The following CELF4 variants were observed in gnomAD, a reference collection of about 807,000 sequenced individuals.
CELF4 encodes CUGBP Elav-like family member 4, also known as CUG-BP- and ETR-3-like factor 4.
Under a neutral mutation model 59.9 loss-of-function variants are expected in CELF4, and 18 were observed. The ratio of observed to expected loss-of-function variants is 0.30; its 90% CI spans 0.21 to 0.45. The LOEUF (loss-of-function observed/expected upper bound fraction) is 0.45. Among genes scored for constraint, CELF4 ranks in the 20% least tolerant of loss-of-function variants. The probability of loss-of-function intolerance (pLI) is 1.00; values close to 1 mark genes in which losing one functional copy is unlikely to be tolerated. For missense variants in CELF4, 456 were observed against 689.0 expected, an observed-to-expected ratio of 0.66 and a Z score of 3.79; for synonymous variants, 261 against 267.1, an observed-to-expected ratio of 0.98 and a Z score of 0.22.
At chr18:37,519,921 G>A (rs1224563223) in intron 1 of CELF4, among the ~76,000 whole-genome samples, 1 of 152,334 alleles carries the variant, frequency 6.6e-6, no homozygotes. Context: ...GCAGATTCCT[G>A]AACTGGCAGA....
At chr18:37,499,566 C>T (rs778292577) in intron 1 of CELF4, among the ~76,000 whole-genome samples, 16 of 152,130 alleles carry the variant, frequency 1.1e-4, no homozygotes, top group Admixed American at 3.9e-4. Flanking sequence ...CACTCTCAAC[C>T]GTGTTACCTG....
chr18:37,538,533 C>T (rs1219975090), intron 1 of CELF4, among the ~76,000 whole-genome samples: 1 of 152,174 alleles, frequency 6.6e-6, no homozygotes, highest in African/African-American at 2.4e-5. Context: ...ACAACGCTGT[C>T]TTTACCCAGA....
intron 1 of CELF4, among the ~76,000 whole-genome samples, chr18:37,564,265 G>T (rs1345049285): frequency 6.6e-6 from 1 of 152,110 alleles, no homozygotes; most frequent in Admixed American, 6.5e-5. Flanking sequence ...ATTCATTCCC[G>T]CTGCACATCC....
intron 1 of CELF4, among the ~76,000 whole-genome samples, chr18:37,530,015 T>C (rs977045650): frequency 6.6e-6 from 1 of 152,170 alleles, no homozygotes; most frequent in African/African-American, 2.4e-5. Flanking sequence ...CCAGACACTT[T>C]GGTTACATCA....
rs1205616507 is a variant in CELF4 at position 37,274,249 on chromosome 18, G to A, written c.801+62C>T. The A allele has an allele frequency of 3.8e-6, 6 of 1,590,736 alleles. No individual in the cohort carries two copies. In the East Asian group the frequency reaches 9.0e-5, roughly 24 times the overall value. On this transcript the variant is annotated intron_variant, in intron 6 of 12. Transcript: ENST00000420428. ...AGTAGTATTTTCGGTTTCATGTCCC[G>A]CTCTCTGAGGCTCCCAGGGGAGTGA...
At chr18:37,396,818 C>T (rs1007250277) in intron 2 of CELF4, among the ~76,000 whole-genome samples, 1 of 152,202 alleles carries the variant, frequency 6.6e-6, no homozygotes, top group Middle Eastern at 3.2e-3. Context: ...CAAGCCACCA[C>T]GTGTGTTCCT....
At chr18:37,281,143 C>T (rs1057035068) in intron 3 of CELF4, among the ~76,000 whole-genome samples, 19 of 152,194 alleles carry the variant, frequency 1.2e-4, no homozygotes, top group Non-Finnish European at 1.6e-4. Context: ...TAGCACAAAC[C>T]CCTAACGGGG....
intron 2 of CELF4, among the ~76,000 whole-genome samples, chr18:37,451,697 T>C (rs147009982): frequency 1.1e-4 from 16 of 152,224 alleles, no homozygotes; most frequent in African/African-American, 3.9e-4. Context: ...CAGTCGTACT[T>C]AGCACCCAGT....
At chr18:37,414,505 T>TTC (rs2099510659) in intron 2 of CELF4, among the ~76,000 whole-genome samples, 1 of 141,926 alleles carries the variant, frequency 7.0e-6, no homozygotes, top group African/African-American at 2.6e-5. Flanking sequence ...TTTCTTTTCT[T>TTC]TTTTTTTTTT....
At chr18:37,314,000 C>T (rs1042034216) in intron 3 of CELF4, among the ~76,000 whole-genome samples, 1 of 152,234 alleles carries the variant, frequency 6.6e-6, no homozygotes, top group African/African-American at 2.4e-5. Flanking sequence ...GAACGCTGGA[C>T]ACTTGGCCAG....
intron 3 of CELF4, among the ~76,000 whole-genome samples, chr18:37,278,340 C>G (rs909996539): frequency 6.6e-6 from 1 of 152,212 alleles, no homozygotes; most frequent in Non-Finnish European, 1.5e-5. Flanking sequence ...TGACCACAAC[C>G]AACTCAAATG....
At chr18:37,352,244 AC>A (rs2154554619) in intron 2 of CELF4, among the ~76,000 whole-genome samples, 1 of 152,336 alleles carries the variant, frequency 6.6e-6, no homozygotes, top group South Asian at 2.1e-4. Context: ...AGTGCAAGCC[AC>A]CAAGCAAGGG....
chr18:37,451,629 C>T (rs2099764309), intron 2 of CELF4, among the ~76,000 whole-genome samples: 1 of 152,180 alleles, frequency 6.6e-6, no homozygotes, highest in Non-Finnish European at 1.5e-5. Flanking sequence ...AGCTGGGCCA[C>T]ACAGTAGCTA....
At chr18:37,247,297 A>G (rs1345238819) in intron 12 of CELF4, 1 of 151,260 alleles carries the variant, frequency 6.6e-6, no homozygotes, top group Non-Finnish European at 1.5e-5. Flanking sequence ...AATTTGATTG[A>G]ATGACAAAAG....
chr18:37,382,993 A>G (rs1344364595), intron 2 of CELF4, among the ~76,000 whole-genome samples: 1 of 150,930 alleles, frequency 6.6e-6, no homozygotes, highest in Admixed American at 6.6e-5. Flanking sequence ...TATTATATAC[A>G]TAACAATATT....
chr18:37,264,750 G>A lies in CELF4; in HGVS notation c.1173C>T (p.Ala391=), dbSNP rs748883444. ...AGVQQYAGPA[A]YPAAYGQISQ... is the part of the protein sequence containing the mutation. Reference sequence around the variant, plus strand: ...TTATCTGACCATAGGCAGCAGGGTAGGCAGCTGCTGGAGGCCCAAGACAAG... The same window carrying A: ...TTATCTGACCATAGGCAGCAGGGTAAGCAGCTGCTGGAGGCCCAAGACAAG... The change falls in exon 10 of 13, where the codon GCC becomes GCT. Residue 391 remains alanine, a synonymous_variant. Coordinates refer to ENST00000420428, the MANE Select transcript of CELF4 (RefSeq NM_020180.4). 123 of 1,571,114 alleles carry A rather than the reference G, an allele frequency of 7.8e-5. 3 individuals carry two copies. In the East Asian group the frequency reaches 2.8e-3, roughly 36 times the overall value.
chr18:37,491,926 C>T (rs1313212263), intron 1 of CELF4, among the ~76,000 whole-genome samples: 2 of 152,194 alleles, frequency 1.3e-5, no homozygotes, highest in Non-Finnish European at 2.9e-5. Context: ...ATAAAAGGCC[C>T]TTGTCATTGT....
chr18:37,479,584 A>ATAT (rs2099860570), intron 2 of CELF4, among the ~76,000 whole-genome samples: 1 of 152,228 alleles, frequency 6.6e-6, no homozygotes, highest in Non-Finnish European at 1.5e-5. Context: ...GAAGAAAGAT[A>ATAT]TATCATCCAT....
chr18:37,259,571 G>C (rs1387481181), intron 10 of CELF4, among the ~76,000 whole-genome samples: 1 of 152,150 alleles, frequency 6.6e-6, no homozygotes, highest in Non-Finnish European at 1.5e-5. Flanking sequence ...AGGCGGAGTC[G>C]ACCTACTGCT....
Sources: gnomAD v4.1 joint callset for allele counts (sites outside exome capture counted in the v4.1 genomes callset) on GRCh38, gnomAD v4.1.1 for gene constraint, MANE v1.5 for transcripts, NCBI Gene and HGNC (gene_info 2026-07-23, HGNC 2026-07-21) for gene names.